OR2L13: variants seen among roughly 807,000 people sequenced by gnomAD.
The protein encoded by OR2L13 is olfactory receptor family 2 subfamily L member 13, also known as olfactory receptor 2L13.
A neutral mutation model predicts 15.3 loss-of-function variants in OR2L13; 14 were observed. The observed-to-expected ratio is 0.91, with a 90% CI of 0.60 to 1.43. The LOEUF (loss-of-function observed/expected upper bound fraction) is 1.43. Ranked by LOEUF, OR2L13 falls within the 40% of genes most tolerant of loss-of-function variation. The pLI is 0.00. For missense variants in OR2L13, 367 were observed against 387.9 expected, an observed-to-expected ratio of 0.95 and a Z score of 0.45; for synonymous variants, 152 against 142.9, an observed-to-expected ratio of 1.06 and a Z score of -0.45.
chr1:248,084,007 T>TG, the OR2L13 span: 1 of 1,611,154 alleles, frequency 6.2e-7, no homozygotes, highest in Non-Finnish European at 8.5e-7. Flanking sequence ...CAGATGTACA[T>TG]GGCGTTTTCG....
At chr1:247,950,804 T>C in the OR2L13 span, among the ~76,000 whole-genome samples, 1 of 151,952 alleles carries the variant, frequency 6.6e-6, no homozygotes, top group East Asian at 1.9e-4. Context: ...GTTGTAAAAA[T>C]ATAGATAGCA....
chr1:248,016,730 CAT>C, the OR2L13 span, among the ~76,000 whole-genome samples: 3 of 151,522 alleles, frequency 2.0e-5, no homozygotes, highest in Non-Finnish European at 1.5e-5. Flanking sequence ...ATATATGTAA[CAT>C]ATATATTTAT....
At chr1:247,997,607 A>G in the OR2L13 span, among the ~76,000 whole-genome samples, 1 of 152,206 alleles carries the variant, frequency 6.6e-6, no homozygotes, top group Non-Finnish European at 1.5e-5. Context: ...GTTACTGTGG[A>G]TGCCTGAATA....
At chr1:248,065,761 G>T in the OR2L13 span, among the ~76,000 whole-genome samples, 2 of 152,044 alleles carry the variant, frequency 1.3e-5, no homozygotes, top group Non-Finnish European at 2.9e-5. Context: ...TAGTGACATA[G>T]TTGGGTAGAG....
At chr1:248,089,433 G>T in the OR2L13 span, among the ~76,000 whole-genome samples, 1 of 152,092 alleles carries the variant, frequency 6.6e-6, no homozygotes, top group Admixed American at 6.6e-5. Context: ...CTCCCCAGAA[G>T]TTGAGTCATG....
At chr1:248,069,950 T>G in the OR2L13 span, among the ~76,000 whole-genome samples, 16 of 152,122 alleles carry the variant, frequency 1.1e-4, 1 homozygote, top group South Asian at 1.9e-3. Flanking sequence ...ATGCACCCAA[T>G]ACAGGAGCAC....
chr1:248,096,009 A>C (rs993184558), upstream of OR2L13, among the ~76,000 whole-genome samples: 1 of 152,088 alleles, frequency 6.6e-6, no homozygotes, highest in Non-Finnish European at 1.5e-5. Flanking sequence ...TTATCCTAGA[A>C]AGCTTTTTTG....
At chr1:248,022,265 T>C in the OR2L13 span, 3 of 1,614,222 alleles carry the variant, frequency 1.9e-6, no homozygotes, top group Non-Finnish European at 2.5e-6. Context: ...TCATGACTTT[T>C]GCAGGTGCAG....
the OR2L13 span, chr1:248,029,005 A>T: frequency 6.6e-6 from 1 of 152,202 alleles, no homozygotes; most frequent in African/African-American, 2.4e-5. Flanking sequence ...CAAATGCAGG[A>T]ATATTGAAAC....
the OR2L13 span, among the ~76,000 whole-genome samples, chr1:247,995,071 C>T: frequency 1.3e-5 from 2 of 152,170 alleles, no homozygotes; most frequent in Non-Finnish European, 2.9e-5. Flanking sequence ...GTTCTCTGAA[C>T]AAGTTTTGAA....
chr1:248,040,371 A>G, the OR2L13 span: 1 of 152,272 alleles, frequency 6.6e-6, no homozygotes, highest in Non-Finnish European at 1.5e-5. Flanking sequence ...GAAGAGCCTC[A>G]TATTATCCAA....
exon 3 of OR2L13, chr1:248,100,050 T>C (rs370400000): frequency 6.2e-7 from 1 of 1,614,160 alleles, no homozygotes. Context: ...TTGCTGTCTA[T>C]CATATGCACT....
chr1:248,041,186 G>A, the OR2L13 span: 6 of 152,124 alleles, frequency 3.9e-5, no homozygotes. Flanking sequence ...ACAGAACAGA[G>A]CCCTCAGAAA....
the OR2L13 span, among the ~76,000 whole-genome samples, chr1:247,967,642 A>G: frequency 6.6e-6 from 1 of 152,034 alleles, no homozygotes; most frequent in East Asian, 1.9e-4. Context: ...TATTTAATCA[A>G]TTTGTCCAGA....
chr1:247,970,474 C>A, the OR2L13 span, among the ~76,000 whole-genome samples: 3 of 152,024 alleles, frequency 2.0e-5, no homozygotes, highest in African/African-American at 7.2e-5. Context: ...TGGGGAAAAA[C>A]CCACAACTTG....
the OR2L13 span, among the ~76,000 whole-genome samples, chr1:247,939,968 A>G: frequency 6.6e-6 from 1 of 152,186 alleles, no homozygotes; most frequent in Non-Finnish European, 1.5e-5. Context: ...AACATGTACT[A>G]ATATAATATC....
chr1:248,100,667 G>A (rs1664839979), exon 3 of OR2L13: 1 of 170,242 alleles, frequency 5.9e-6, no homozygotes, highest in South Asian at 2.0e-4. Flanking sequence ...CTTTTACTCT[G>A]TTTGCATTCT....
chr1:247,990,305 G>C, the OR2L13 span: 1 of 1,116,648 alleles, frequency 9.0e-7, no homozygotes, highest in Admixed American at 1.7e-5. Context: ...CTTTCATCTT[G>C]TTGGGATTGT....
chr1:248,022,494 A>G, the OR2L13 span: 9 of 1,614,192 alleles, frequency 5.6e-6, no homozygotes, highest in East Asian at 2.2e-5. Flanking sequence ...TGTTCCAGCT[A>G]TGTTGACATT....
Sources: allele counts gnomAD v4.1 joint callset (sites outside exome capture counted in the v4.1 genomes callset), GRCh38; gene constraint gnomAD v4.1.1; transcripts MANE v1.5; gene names NCBI Gene and HGNC (gene_info 2026-07-23, HGNC 2026-07-21).